The following HP variants were observed in gnomAD, a reference collection of about 807,000 sequenced individuals.
The protein encoded by HP is haptoglobin alpha(1S)-beta.
HP carries 9 observed loss-of-function variants against 23.2 expected under a neutral mutation model. The observed-to-expected ratio is 0.39, with a 90% CI of 0.23 to 0.68. HP has a LOEUF of 0.68. Among genes scored for constraint, HP ranks in the 30% least tolerant of loss-of-function variants. HP has a pLI of 0.47. For missense variants in HP, 433 were observed against 483.6 expected, an observed-to-expected ratio of 0.90 and a Z score of 0.98; for synonymous variants, 155 against 183.3, an observed-to-expected ratio of 0.85 and a Z score of 1.25.
Position 72,059,119 on chromosome 16 carries a change from T to C in HP, c.373T>C (p.Tyr125His), listed in dbSNP as rs1415413161. The change falls in exon 6 of 7, where the codon TAC (tyrosine) becomes CAC (histidine). Residue 125 changes from tyrosine to histidine, a missense_variant. Transcript: ENST00000355906. ...CTTCTTGCCTTTTGTTTCAGGAGTG[T>C]ACACCTTAAACAATGAGAAGCAGTG... is the stretch of plus-strand genomic sequence containing the variant. ...YKLRTEGDGV[Y>H]TLNNEKQWIN... The C allele has an allele frequency of 2.6e-6, 4 of 1,565,166 alleles. 1 individual carries two copies. In the African/African-American group the frequency reaches 4.7e-5, roughly 18 times the overall value.
chr16:72,060,048 C>T (rs2041516392), intron 6 of HP, 64 bp from the exon 7 acceptor site: 21 of 1,595,682 alleles, frequency 1.3e-5, no homozygotes, highest in East Asian at 4.5e-5. Flanking sequence ...ATGCTTTCAC[C>T]CCTTTCTCAG....
intron 5 of HP, 88 bp from the exon 6 acceptor site, chr16:72,059,026 T>C: frequency 7.5e-7 from 1 of 1,328,684 alleles, no homozygotes; most frequent in Admixed American, 1.8e-5. Flanking sequence ...TCCTCTTCCT[T>C]TTAGTTCTTC....
chr16:72,056,530 A>G lies in HP; in HGVS notation c.89A>G (p.Asp30Gly), dbSNP rs2041465680. The G allele has an allele frequency of 6.6e-7, 1 of 1,514,746 alleles. No individual in the cohort carries two copies. The highest frequency in any genetic ancestry group is 1.5e-5 in the African/African-American group (1 of 68,390). 93.8% of individuals were successfully genotyped at this position (1,514,746 alleles called of 1,614,324 possible). ...CTCTCTGGCTTCTCTCTCTTTGCAG[A>G]TGACGGCTGCCCGAAGCCCCCCGAG... ...DSGNDVTDIA[D>G]DGCPKPPEIA... Residue 30 changes from aspartate to glycine, a missense_variant and splice_region_variant, in exon 3 of 7, where the codon GAT (aspartate) becomes GGT (glycine). Physicochemically the swap from Asp to Gly is moderately conservative, Grantham distance 94. Around this residue, in one of 3 missense-constraint regions of HP, gnomAD observed 71 missense variants for 54.2 expected, o/e 1.31. Transcript: ENST00000355906.
chr16:72,060,746 T>C lies in HP; in HGVS notation c.1077T>C (p.Phe359=). 6.2e-7 allele frequency: 1 copy of C among 1,614,196 alleles called. No individual in the cohort carries two copies. The highest frequency in any genetic ancestry group is 8.5e-7 in the Non-Finnish European group (1 of 1,180,044). The change falls in exon 7 of 7, where the codon TTT becomes TTC. Residue 359 remains phenylalanine (F), a synonymous_variant. Coordinates refer to ENST00000355906, the MANE Select transcript of HP (RefSeq NM_005143.5). ...DTCYGDAGSA[F]AVHDLEEDTW... ...GCTATGGCGATGCGGGCAGTGCCTT[T>C]GCCGTTCACGACCTGGAGGAGGACA...
chr16:72,057,533 C>T, intron 4 of HP, 67 bp downstream of exon 4: 2 of 603,020 alleles, frequency 3.3e-6, no homozygotes, highest in Non-Finnish European at 5.7e-6. Flanking sequence ...CCTAGAGGCA[C>T]AGCCTTCCAG....
chr16:72,060,247 A>G lies in HP; in HGVS notation c.578A>G (p.Asn193Ser), dbSNP rs527859737. The part of the protein sequence containing the change: ...HNLTTGATLI[N>S]EQWLLTTAKN... Reference sequence around the variant, plus strand: ...CTCACCACAGGTGCCACGCTGATCAATGAACAATGGCTGCTGACCACGGCT... The same window carrying G: ...CTCACCACAGGTGCCACGCTGATCAGTGAACAATGGCTGCTGACCACGGCT... Residue 193 changes from asparagine (N) to serine (S), a missense_variant, in exon 7 of 7, where the codon AAT (asparagine) becomes AGT (serine). By Grantham distance (46) the Asn-to-Ser change is conservative (BLOSUM62 1). Transcript: ENST00000355906. The G allele has an allele frequency of 1.2e-6, 2 of 1,614,194 alleles. No individual in the cohort carries two copies. Among genetic ancestry groups the G allele is most frequent in the African/African-American group, 1.3e-5 (1 of 75,064 alleles).
At position 72,054,652 on chromosome 16, in the gene HP, G is replaced by A. The variant is rs1326037259; in HGVS notation, c.-1G>A. On this transcript the variant is annotated 5_prime_UTR_variant, in exon 1 of 7. Coordinates refer to ENST00000355906, the MANE Select transcript of HP (RefSeq NM_005143.5). ...CTCTTCCAGAGGCAAGACCAACCAAGATGAGGTGGGTCCACAGCTTTCCCT... is the reference window on the plus strand; with the variant it reads ...CTCTTCCAGAGGCAAGACCAACCAAAATGAGGTGGGTCCACAGCTTTCCCT... 4 of 1,611,812 alleles carry A rather than the reference G, an allele frequency of 2.5e-6. No individual in the cohort carries two copies. Among genetic ancestry groups the A allele is most frequent in the South Asian group, 2.2e-5 (2 of 90,684 alleles).
Position 72,056,620 on chromosome 16 carries a change from C to T in HP, c.179C>T (p.Thr60Ile). Residue 60 changes from threonine to isoleucine, a missense_variant, in exon 3 of 7, where the codon ACA (threonine) becomes ATA (isoleucine). Thr to Ile is a moderately conservative substitution (Grantham distance 89). This residue lies in a region of HP where 36 missense variants were observed against 71.3 expected (regional missense o/e 0.50). Transcript: ENST00000355906. Reference sequence around the variant, plus strand: ...TGTAAGAACTACTACAAACTGCGCACAGAAGGAGATGGTAAGATGTGGACA... The same window carrying T: ...TGTAAGAACTACTACAAACTGCGCATAGAAGGAGATGGTAAGATGTGGACA... ...YQCKNYYKLRTEGDGVYTLND... is the reference protein window; with the variant it reads ...YQCKNYYKLRIEGDGVYTLND... 8.3e-7 allele frequency: 1 copy of T among 1,197,630 alleles called. No homozygotes were observed. Among genetic ancestry groups the T allele is most frequent in the Non-Finnish European group, 1.2e-6 (1 of 850,650 alleles). 74.2% of individuals were successfully genotyped at this position (1,197,630 alleles called of 1,614,324 possible).
rs201818880 is a variant in HP, at chr16:72,060,141, C to G, written c.472C>G (p.Pro158Ala). 1 of 1,613,800 alleles carries G rather than the reference C, an allele frequency of 6.2e-7. No individual in the cohort carries two copies. Among genetic ancestry groups the G allele is most frequent in the Non-Finnish European group, 8.5e-7 (1 of 1,179,898 alleles). ...VCGKPKNPAN[P>A]VQRILGGHLD... ...TGGGAAGCCCAAGAATCCGGCAAAC[C>G]CAGTGCAGCGGATCCTGGGTGGACA... The change falls in exon 7 of 7, where the codon CCA becomes GCA. Residue 158 changes from proline (P) to alanine (A), a missense_variant. Physicochemically the swap from Pro to Ala is conservative, Grantham distance 27 (BLOSUM62 -1). This residue lies in a region of HP where 326 missense variants were observed against 358.1 expected (regional missense o/e 0.91). Transcript: ENST00000355906.
Position 72,056,409 on chromosome 16 carries a change from T to C in HP, c.89-121T>C, listed in dbSNP as rs1204687477. 6.3e-5 allele frequency: 100 copies of C among 1,580,514 alleles called. 2 individuals carry two copies. In the East Asian group the frequency reaches 2.3e-3, roughly 36 times the overall value. ...AAATGAGGGGAGCTTGCCTTTCCAT[T>C]GGCTTCTATTCGGGGTGGAAGGAGA... On this transcript the variant is annotated intron_variant, in intron 2 of 6. Transcript: ENST00000355906.
chr16:72,058,245 T>C lies in HP; in HGVS notation c.266-9T>C. 1.0e-6 allele frequency: 1 copy of C among 967,968 alleles called. No homozygotes were observed. The highest frequency in any genetic ancestry group is 1.5e-6 in the Non-Finnish European group (1 of 680,290). 60.0% of individuals were successfully genotyped at this position (967,968 alleles called of 1,614,324 possible). ...AATAGCAAACTCTCTGGCTTCTCTC[T>C]CTTTGCAGATGACGGCTGCCCGAAG... On this transcript the variant is annotated splice_polypyrimidine_tract_variant and intron_variant, in intron 4 of 6. Coordinates refer to ENST00000355906, the MANE Select transcript of HP (RefSeq NM_005143.5).
Position 72,060,387 on chromosome 16 carries a change from C to T in HP, c.718C>T (p.Pro240Ser). The T allele has an allele frequency of 1.2e-6, 2 of 1,614,088 alleles. No homozygotes were observed. The highest frequency in any genetic ancestry group is 1.7e-6 in the Non-Finnish European group (2 of 1,180,030). The change falls in exon 7 of 7, where the codon CCT (proline) becomes TCT (serine). Residue 240 changes from proline (P) to serine (S), a missense_variant. Physicochemically the swap from Pro to Ser is moderately conservative, Grantham distance 74. Around this residue, in one of 3 missense-constraint regions of HP, gnomAD observed 326 missense variants for 358.1 expected, o/e 0.91. Coordinates refer to ENST00000355906, the MANE Select transcript of HP (RefSeq NM_005143.5). The stretch of plus-strand genomic sequence containing the variant: ...AGAGATTGAGAAGGTTGTTCTACAC[C>T]CTAACTACTCCCAGGTAGATATTGG... The part of the protein sequence containing the change: ...LVEIEKVVLH[P>S]NYSQVDIGLI...
In HP at chr16:72,059,608, C is replaced by T. The variant is rs553478843; in HGVS notation, c.442+420C>T. Reference sequence around the variant, plus strand: ...TATTAGGAGGAGCTGTTGCTCTCTCCTTTCATTCTCAGAACAAGAGGCAAA... The same window carrying T: ...TATTAGGAGGAGCTGTTGCTCTCTCTTTTCATTCTCAGAACAAGAGGCAAA... On this transcript the variant is annotated intron_variant, in intron 6 of 6. Coordinates refer to ENST00000355906, the MANE Select transcript of HP (RefSeq NM_005143.5). The T allele has an allele frequency of 1.2e-5, 3 of 260,002 alleles. No homozygotes were observed. In the South Asian group the frequency reaches 1.6e-4, roughly 14 times the overall value. 16.1% of individuals were successfully genotyped at this position (260,002 alleles called of 1,614,324 possible).
Position 72,060,324 on chromosome 16 carries a change from C to T in HP, c.655C>T (p.Pro219Ser). Residue 219 changes from proline (P) to serine (S), a missense_variant, in exon 7 of 7, where the codon CCT becomes TCT. Around this residue, in one of 3 missense-constraint regions of HP, gnomAD observed 326 missense variants for 358.1 expected, o/e 0.91. Coordinates refer to ENST00000355906, the MANE Select transcript of HP (RefSeq NM_005143.5). ...AAATGCAACAGCGAAAGACATTGCC[C>T]CTACTTTAACACTCTATGTGGGGAA... ...SENATAKDIA[P>S]TLTLYVGKKQ... The T allele has an allele frequency of 6.2e-7, 1 of 1,614,070 alleles. No individual in the cohort carries two copies. Among genetic ancestry groups the T allele is most frequent in the South Asian group, 1.1e-5 (1 of 91,082 alleles).
rs752571039 is a variant in HP at position 72,056,099 on chromosome 16, G to A, written c.6-62G>A. The A allele has an allele frequency of 3.9e-6, 6 of 1,539,170 alleles. No homozygotes were observed. The South Asian group carries it at 6.7e-5, about 17-fold the overall frequency. On this transcript the variant is annotated intron_variant, in intron 1 of 6. Coordinates refer to ENST00000355906, the MANE Select transcript of HP (RefSeq NM_005143.5). The stretch of plus-strand genomic sequence containing the variant: ...TGTGTACATGCATGTGTGTGTGGAT[G>A]CATGCATGTGCTGTGAAGCAGGGAG...
chr16:72,060,759 C>G lies in HP; in HGVS notation c.1090C>G (p.Leu364Val), dbSNP rs2041533244. 1.9e-6 allele frequency: 3 copies of G among 1,614,050 alleles called. No individual in the cohort carries two copies. The highest frequency in any genetic ancestry group is 2.5e-6 in the Non-Finnish European group (3 of 1,180,048). Reference protein sequence around the residue: ...DAGSAFAVHDLEEDTWYATGI... With the variant: ...DAGSAFAVHDVEEDTWYATGI... ...GGGCAGTGCCTTTGCCGTTCACGAC[C>G]TGGAGGAGGACACCTGGTATGCGAC... Residue 364 changes from leucine (L) to valine (V), a missense_variant, in exon 7 of 7, where the codon CTG (leucine) becomes GTG (valine). Leu to Val is a conservative substitution (Grantham distance 32). Transcript: ENST00000355906.
At chr16:72,055,072 T>A (rs1200928271) in intron 1 of HP, 1 of 264,256 alleles carries the variant, frequency 3.8e-6, no homozygotes, top group Non-Finnish European at 7.2e-6. Context: ...ATACCTGGGA[T>A]ACATCTAATT....
Position 72,059,186 on chromosome 16 carries a change from C to G in HP, c.440C>G (p.Ala147Gly), listed in dbSNP as rs1464157269. ...AVGDKLPECEAVCGKPKNPAN... is the reference protein window; with the variant it reads ...AVGDKLPECEGVCGKPKNPAN... ...GGAGATAAACTTCCTGAATGTGAAGCAGGTGGGTGCTGAGCACTTAAGAGA... is the reference window on the plus strand; with the variant it reads ...GGAGATAAACTTCCTGAATGTGAAGGAGGTGGGTGCTGAGCACTTAAGAGA... The change falls in exon 6 of 7, where the codon GCA becomes GGA. Residue 147 changes from alanine (A) to glycine (G), a missense_variant and splice_region_variant. Coordinates refer to ENST00000355906, the MANE Select transcript of HP (RefSeq NM_005143.5). The G allele has an allele frequency of 1.3e-6, 2 of 1,563,498 alleles. 1 individual carries two copies. Among genetic ancestry groups the G allele is most frequent in the Non-Finnish European group, 1.7e-6 (2 of 1,148,080 alleles).
At chr16:72,054,890 GT>G in intron 1 of HP, 1 of 887,668 alleles carries the variant, frequency 1.1e-6, no homozygotes, top group Non-Finnish European at 1.7e-6. Context: ...TTTCCTTCAG[GT>G]TACATTTTTG....
Sources: gnomAD v4.1 joint callset for allele counts on GRCh38, gnomAD v4.1.1 for gene constraint, gnomAD v4.1.1 regional missense constraint, MANE v1.5 for transcripts, NCBI Gene and HGNC (gene_info 2026-07-23, HGNC 2026-07-21) for gene names.